Variants in BUB1B observed in about 807,000 individuals in gnomAD.
The protein encoded by BUB1B is BUB1 mitotic checkpoint serine/threonine kinase B.
In BUB1B, 86 loss-of-function variants were observed where a neutral mutation model predicts 137.7. The observed-to-expected ratio is 0.62, with a 90% confidence interval of 0.52 to 0.75. The LOEUF is 0.75. Ranked by LOEUF, BUB1B falls within the 30% of genes least tolerant of loss-of-function variation. BUB1B has a pLI of 0.00. For synonymous variants in BUB1B, 420 were observed against 417.9 expected, an observed-to-expected ratio of 1.00 and a Z score of -0.06; for missense variants, 1,130 against 1,236.9, an observed-to-expected ratio of 0.91 and a Z score of 1.30.
At chr15:40,184,291 A>G (rs1183398789) in intron 6 of BUB1B, among the ~76,000 whole-genome samples, 2 of 151,436 alleles carry the variant, frequency 1.3e-5, no homozygotes, top group Non-Finnish European at 2.9e-5. Context: ...ATCAGCAATA[A>G]TTTTTTTTAA....
Position 40,200,945 on chromosome 15 carries a change from C to G in BUB1B, c.1532C>G (p.Ala511Gly). Reference sequence around the variant, plus strand: ...TTTCTTTACAGAGAAACTTCACTTGCGGAGAACATTTGGCAGGAACAACCT... The same window carrying G: ...TTTCTTTACAGAGAAACTTCACTTGGGGAGAACATTTGGCAGGAACAACCT... ...VNCCARETSL[A>G]ENIWQEQPHS... The change falls in exon 12 of 23, where the codon GCG becomes GGG. Residue 511 changes from alanine to glycine, a missense_variant. Coordinates refer to ENST00000287598, the MANE Select transcript of BUB1B (RefSeq NM_001211.6). The G allele has an allele frequency of 1.2e-6, 2 of 1,613,216 alleles. No individual in the cohort carries two copies. Among genetic ancestry groups the G allele is most frequent in the Non-Finnish European group, 8.5e-7 (1 of 1,179,480 alleles).
chr15:40,178,546 G>A (rs183355602), intron 5 of BUB1B, among the ~76,000 whole-genome samples: 1 of 152,120 alleles, frequency 6.6e-6, no homozygotes, highest in African/African-American at 2.4e-5. Flanking sequence ...GTTTTTTAGA[G>A]TGTAATATTC....
rs1190321516 is a variant in BUB1B at position 40,220,139 on chromosome 15, T to A, written c.2958-425T>A. ...AAGGTACAAACATATTAAGCAGTAG[T>A]TAGTTTAGTCAAGCTTACGATTATC... On this transcript the variant is annotated intron_variant, in intron 22 of 22. Transcript: ENST00000287598. Among the ~76,000 whole-genome samples, 5 of 152,164 alleles carry A rather than the reference T, an allele frequency of 3.3e-5. No homozygotes were observed. In the East Asian group the frequency reaches 9.6e-4, roughly 29 times the overall value.
intron 4 of BUB1B, among the ~76,000 whole-genome samples, chr15:40,173,525 T>G (rs1595512797): frequency 2.0e-5 from 3 of 152,186 alleles, no homozygotes; most frequent in African/African-American, 7.2e-5. Flanking sequence ...GCATACTGTT[T>G]GAGATAAGTT....
intron 1 of BUB1B, among the ~76,000 whole-genome samples, chr15:40,164,144 CT>C (rs1489428792): frequency 6.6e-6 from 1 of 152,174 alleles, no homozygotes; most frequent in East Asian, 1.9e-4. Context: ...TTGTTTGCTT[CT>C]GCTTTTAGCT....
intron 13 of BUB1B, 61 bp downstream of exon 13, chr15:40,202,526 T>A: frequency 6.3e-7 from 1 of 1,594,398 alleles, no homozygotes; most frequent in Non-Finnish European, 8.6e-7. Context: ...TTATTATAAG[T>A]GAGGATAAAT....
chr15:40,212,764 G>T, intron 19 of BUB1B, 116 bp downstream of exon 19: 1 of 948,798 alleles, frequency 1.1e-6, no homozygotes, highest in Non-Finnish European at 1.6e-6. Flanking sequence ...ACCAATTCAA[G>T]TATAAGTTAG....
intron 4 of BUB1B, among the ~76,000 whole-genome samples, chr15:40,171,247 A>T (rs1314540691): frequency 6.6e-6 from 1 of 152,162 alleles, no homozygotes; most frequent in African/African-American, 2.4e-5. Context: ...CGGATTACTT[A>T]TTTATTTATT....
In BUB1B at chr15:40,220,789, C is replaced by T; in HGVS notation, c.*30C>T. 6.3e-7 allele frequency: 1 copy of T among 1,593,536 alleles called. No individual in the cohort carries two copies. Among genetic ancestry groups the T allele is most frequent in the Non-Finnish European group, 8.6e-7 (1 of 1,161,392 alleles). On this transcript the variant is annotated 3_prime_UTR_variant, in exon 23 of 23. Transcript: ENST00000287598. The stretch of plus-strand genomic sequence containing the variant: ...GGCAATCAAGTCTCACAGATTGCTG[C>T]CTCAGAGCAATGGTTGTATTGTGGA...
chr15:40,200,205 A>T (rs773121836), intron 10 of BUB1B, 39 bp from the exon 11 acceptor site: 3 of 1,407,868 alleles, frequency 2.1e-6, no homozygotes, highest in South Asian at 2.3e-5. Context: ...CATTTTCTGG[A>T]TGGGAGGGAC....
intron 8 of BUB1B, among the ~76,000 whole-genome samples, chr15:40,191,354 T>A (rs761414897): frequency 7.0e-4 from 106 of 152,266 alleles, no homozygotes; most frequent in Non-Finnish European, 2.6e-4. Flanking sequence ...GTCTTTTATG[T>A]ATTCTAGATA....
At chr15:40,205,745 C>T (rs1318760460) in intron 14 of BUB1B, among the ~76,000 whole-genome samples, 2 of 152,174 alleles carry the variant, frequency 1.3e-5, no homozygotes, top group Non-Finnish European at 2.9e-5. Flanking sequence ...GGTTGTAAAA[C>T]TGCTTTTCAA....
intron 8 of BUB1B, among the ~76,000 whole-genome samples, chr15:40,192,590 C>A (rs183864688): frequency 6.6e-6 from 1 of 152,252 alleles, no homozygotes; most frequent in Admixed American, 6.5e-5. Context: ...AACTATTGAT[C>A]TTTTCATTGT....
intron 2 of BUB1B, 21 bp downstream of exon 2, chr15:40,165,217 T>C: frequency 6.2e-7 from 1 of 1,614,108 alleles, no homozygotes; most frequent in African/African-American, 1.3e-5. Context: ...TGGCTGAGTC[T>C]CAACCTGTCG....
chr15:40,220,914 A>G lies in BUB1B; in HGVS notation c.*155A>G. 1.3e-6 allele frequency: 1 copy of G among 787,224 alleles called. No individual in the cohort carries two copies. The allele number at this position is 787,224 out of a possible 1,614,324, so 48.8% of individuals were successfully genotyped here. On this transcript the variant is annotated 3_prime_UTR_variant, in exon 23 of 23. Coordinates refer to ENST00000287598, the MANE Select transcript of BUB1B (RefSeq NM_001211.6). ...GTACAGGTATATTTTGACGTCACTG[A>G]TATTTTTTATACAGTGATATACTTA...
At chr15:40,165,345 T>C in intron 2 of BUB1B, 149 bp downstream of exon 2, 7 of 1,023,696 alleles carry the variant, frequency 6.8e-6, no homozygotes, top group South Asian at 6.7e-5. Context: ...TCGTATCACA[T>C]GACAGCTATC....
At chr15:40,195,476 C>A (rs948646725) in intron 8 of BUB1B, among the ~76,000 whole-genome samples, 1 of 152,138 alleles carries the variant, frequency 6.6e-6, no homozygotes, top group Non-Finnish European at 1.5e-5. Flanking sequence ...ATAATGACTT[C>A]TTTTCCTCTG....
intron 6 of BUB1B, 52 bp downstream of exon 6, chr15:40,183,935 T>C: frequency 1.3e-6 from 2 of 1,575,920 alleles, no homozygotes; most frequent in Admixed American, 3.4e-5. Context: ...AGTGGTAAAA[T>C]CATGTAAGAA....
chr15:40,176,625 G>C lies in BUB1B; in HGVS notation c.533G>C (p.Gly178Ala), dbSNP rs1228587741. Reference sequence around the variant, plus strand: ...AAAGCAGATGCGATATTTCAGGAAGGGATTCAACAGAAGGCTGAACCACTA... The same window carrying C: ...AAAGCAGATGCGATATTTCAGGAAGCGATTCAACAGAAGGCTGAACCACTA... ...FRKADAIFQE[G>A]IQQKAEPLER... is the part of the protein sequence containing the mutation. Residue 178 changes from glycine to alanine, a missense_variant, in exon 5 of 23, where the codon GGG (glycine) becomes GCG (alanine). Gly to Ala is a moderately conservative substitution (Grantham distance 60). Coordinates refer to ENST00000287598, the MANE Select transcript of BUB1B (RefSeq NM_001211.6). The C allele has an allele frequency of 6.2e-7, 1 of 1,613,934 alleles. No individual in the cohort carries two copies. Among genetic ancestry groups the C allele is most frequent in the Non-Finnish European group, 8.5e-7 (1 of 1,180,014 alleles).
Sources: gnomAD v4.1 joint callset for allele counts (sites outside exome capture counted in the v4.1 genomes callset) on GRCh38, gnomAD v4.1.1 for gene constraint, MANE v1.5 for transcripts, NCBI Gene and HGNC (gene_info 2026-07-23, HGNC 2026-07-21) for gene names.